Variants in PSTPIP1 observed in about 807,000 individuals in gnomAD.
PSTPIP1 encodes the protein proline-serine-threonine phosphatase-interacting protein 1.
PSTPIP1 carries 66 observed loss-of-function variants against 69.6 expected under a neutral mutation model. The ratio of observed to expected loss-of-function variants is 0.95; its 90% confidence interval spans 0.78 to 1.16. PSTPIP1 has a LOEUF of 1.16. Among genes scored for constraint, PSTPIP1 ranks in the 50% most tolerant of loss-of-function variants. PSTPIP1 has a pLI of 0.00. For missense variants in PSTPIP1, 603 were observed against 557.4 expected (o/e 1.08, Z -0.82); for synonymous variants, 266 against 222.7 (o/e 1.19, Z -1.73).
intron 7 of PSTPIP1, among the ~76,000 whole-genome samples, chr15:77,029,177 G>T (rs538137417): frequency 1.3e-5 from 2 of 152,360 alleles, no homozygotes; most frequent in African/African-American, 4.8e-5. Flanking sequence ...GAAGGCTGAG[G>T]CCCAGAGAGG....
chr15:77,017,077 C>T (rs1596081376), intron 1 of PSTPIP1, among the ~76,000 whole-genome samples: 2 of 152,230 alleles, frequency 1.3e-5, no homozygotes, highest in African/African-American at 2.4e-5. Flanking sequence ...TGCCTTGGTG[C>T]AGTTGGTGAC....
intron 3 of PSTPIP1, among the ~76,000 whole-genome samples, chr15:77,022,001 G>A (rs67501538): frequency 0.35 from 53,006 of 152,240 alleles, 11,070 homozygotes; most frequent in Middle Eastern, 0.53. Flanking sequence ...CCAGCTTCCT[G>A]TAGCCCCTCT....
At chr15:77,028,479 C>A in intron 6 of PSTPIP1, 75 bp from the exon 7 acceptor site, 1 of 1,299,486 alleles carries the variant, frequency 7.7e-7, no homozygotes, top group South Asian at 1.4e-5. Context: ...GGAGGCTGGG[C>A]TAAGGGAGCC....
chr15:77,016,020 C>T (rs898990108), intron 1 of PSTPIP1: 3 of 456,302 alleles, frequency 6.6e-6, no homozygotes, highest in Non-Finnish European at 8.8e-6. Flanking sequence ...CTTCTCTTTC[C>T]ACTCTGGGGG....
rs184279306 is a variant in PSTPIP1, at chr15:77,025,624, C to A, written c.354+20C>A. 7.1e-6 allele frequency: 10 copies of A among 1,406,330 alleles called. No individual in the cohort carries two copies. Among genetic ancestry groups the A allele is most frequent in the Admixed American group, 2.1e-5 (1 of 46,932 alleles). The allele number at this position is 1,406,330 out of a possible 1,614,324, so 87.1% of individuals were successfully genotyped here. A position where few individuals can be genotyped will look rare whatever the true frequency, so the allele number is the denominator to read the frequency against. On this transcript the variant is annotated intron_variant, in intron 5 of 14. Coordinates refer to ENST00000558012, the MANE Select transcript of PSTPIP1 (RefSeq NM_003978.5). ...AAGAAGGTGAGGCAGGTGCAGGGGG[C>A]GGGGGAGCTGCTCCCCCATTGCCAG...
intron 1 of PSTPIP1, 90 bp downstream of exon 1, chr15:76,995,699 A>AG: frequency 6.3e-7 from 1 of 1,599,884 alleles, no homozygotes; most frequent in Non-Finnish European, 8.6e-7. Context: ...CGGCTCCGAG[A>AG]GGGGAGCTTT....
chr15:77,025,543 T>C lies in PSTPIP1; in HGVS notation c.293T>C (p.Leu98Pro), dbSNP rs2076259804. The part of the protein sequence containing the change: ...GSSHIQLALT[L>P]REELRSLEEF... The stretch of plus-strand genomic sequence containing the variant: ...TCACACATCCAGCTGGCCCTGACCC[T>C]GCGTGAGGAGCTGCGGAGTCTCGAG... Residue 98 changes from leucine to proline, a missense_variant, in exon 5 of 15, where the codon CTG becomes CCG. Leu to Pro is a moderately conservative substitution (Grantham distance 98). Transcript: ENST00000558012. 1.9e-6 allele frequency: 3 copies of C among 1,555,164 alleles called. No individual in the cohort carries two copies. The highest frequency in any genetic ancestry group is 2.7e-5 in the African/African-American group (2 of 73,208).
At chr15:76,995,853 C>A (rs2075567764) in intron 1 of PSTPIP1, among the ~76,000 whole-genome samples, 1 of 152,206 alleles carries the variant, frequency 6.6e-6, no homozygotes, top group Non-Finnish European at 1.5e-5. Context: ...TCTGGGAGAC[C>A]TCTCCCCACA....
intron 13 of PSTPIP1, 85 bp downstream of exon 13, chr15:77,035,648 G>T: frequency 6.7e-7 from 1 of 1,493,840 alleles, no homozygotes; most frequent in South Asian, 1.2e-5. Flanking sequence ...TGGGGCCACT[G>T]AGGCCCTCAA....
At position 77,032,930 on chromosome 15, in the gene PSTPIP1, C is replaced by G; in HGVS notation, c.907C>G (p.Pro303Ala). ...TPLTSSPGIQ[P>A]SCGMIKRFSG... ...GCTGACCAGCAGCCCTGGCATACAGCCGTCCTGCGGCATGATAAAGAGGTG... is the reference window on the plus strand; with the variant it reads ...GCTGACCAGCAGCCCTGGCATACAGGCGTCCTGCGGCATGATAAAGAGGTG... Residue 303 changes from proline (P) to alanine (A), a missense_variant, in exon 12 of 15, where the codon CCG (proline) becomes GCG (alanine). Coordinates refer to ENST00000558012, the MANE Select transcript of PSTPIP1 (RefSeq NM_003978.5). The G allele has an allele frequency of 6.2e-7, 1 of 1,604,772 alleles. No individual in the cohort carries two copies. The highest frequency in any genetic ancestry group is 8.5e-7 in the Non-Finnish European group (1 of 1,176,100).
chr15:77,000,950 G>T (rs2075695384), intron 1 of PSTPIP1, among the ~76,000 whole-genome samples: 2 of 152,102 alleles, frequency 1.3e-5, no homozygotes, highest in Non-Finnish European at 2.9e-5. Flanking sequence ...AGTAGCGCTA[G>T]GTTTGTTCAC....
chr15:77,028,715 A>G (rs2152686180), intron 7 of PSTPIP1, 63 bp downstream of exon 7: 1 of 1,371,500 alleles, frequency 7.3e-7, no homozygotes, highest in Non-Finnish European at 9.9e-7. Flanking sequence ...GAGGCAAGGA[A>G]GGGGTGCCGT....
intron 5 of PSTPIP1, among the ~76,000 whole-genome samples, chr15:77,026,833 G>A (rs568569800): frequency 8.1e-4 from 123 of 152,376 alleles, no homozygotes; most frequent in African/African-American, 2.7e-3. Context: ...TGCCAGGAAG[G>A]AGGGACCCCG....
chr15:77,031,446 C>A (rs912204957), intron 10 of PSTPIP1, 168 bp downstream of exon 10: 2 of 617,538 alleles, frequency 3.2e-6, no homozygotes, highest in Non-Finnish European at 5.7e-6. Context: ...AACCCCAAGA[C>A]AGGAGCTCAG....
chr15:77,012,152 TC>T (rs2075951767), intron 1 of PSTPIP1, among the ~76,000 whole-genome samples: 3 of 55,750 alleles, frequency 5.4e-5, no homozygotes, highest in South Asian at 6.0e-4. Flanking sequence ...CATCCATCCA[TC>T]CATCCACCCA....
intron 1 of PSTPIP1, among the ~76,000 whole-genome samples, chr15:76,998,142 G>C (rs1260360776): frequency 6.6e-6 from 1 of 152,222 alleles, no homozygotes; most frequent in Non-Finnish European, 1.5e-5. Context: ...GGAGGCTGAG[G>C]CAGGAGAACA....
chr15:77,015,954 C>A (rs1482929540), intron 1 of PSTPIP1: 8 of 456,170 alleles, frequency 1.8e-5, no homozygotes, highest in Non-Finnish European at 3.5e-5. Context: ...TCACAGCCTG[C>A]AGGGCCTCTC....
chr15:77,009,145 G>C (rs557402982), intron 1 of PSTPIP1, among the ~76,000 whole-genome samples: 10 of 152,274 alleles, frequency 6.6e-5, no homozygotes, highest in African/African-American at 2.4e-4. Context: ...AGGATAAGGA[G>C]CCCCACGTGC....
rs749462900 is a variant in PSTPIP1 at position 77,035,888 on chromosome 15, G to C, written c.1072G>C (p.Ala358Pro). The change falls in exon 14 of 15, where the codon GCC becomes CCC. Residue 358 changes from alanine to proline, a missense_variant. By Grantham distance (27) the Ala-to-Pro change is conservative. Coordinates refer to ENST00000558012, the MANE Select transcript of PSTPIP1 (RefSeq NM_003978.5). ...IAVQEIQGNP[A>P]SPAQEYRALY... Reference sequence around the variant, plus strand: ...AGTGCAGGAGATACAGGGAAACCCGGCCTCACCAGCCCAGGAGTACCGGGC... The same window carrying C: ...AGTGCAGGAGATACAGGGAAACCCGCCCTCACCAGCCCAGGAGTACCGGGC... 4 of 1,610,060 alleles carry C rather than the reference G, an allele frequency of 2.5e-6. No individual in the cohort carries two copies. Among genetic ancestry groups the C allele is most frequent in the Non-Finnish European group, 3.4e-6 (4 of 1,179,448 alleles).
Sources: allele counts gnomAD v4.1 joint callset (sites outside exome capture counted in the v4.1 genomes callset), GRCh38; gene constraint gnomAD v4.1.1; transcripts MANE v1.5; gene names NCBI Gene and HGNC (gene_info 2026-07-23, HGNC 2026-07-21).